The following MX1 variants were observed in gnomAD, a reference collection of about 807,000 sequenced individuals.
MX1 encodes interferon-induced GTP-binding protein Mx1.
A neutral mutation model predicts 66.4 loss-of-function variants in MX1; 66 were observed. The ratio of observed to expected loss-of-function variants is 0.99; its 90% confidence interval spans 0.82 to 1.22. The LOEUF is 1.22. Ranked by LOEUF, MX1 falls within the 50% of genes most tolerant of loss-of-function variation. The probability of loss-of-function intolerance (pLI) is 0.00; values close to 1 mark genes in which losing one functional copy is unlikely to be tolerated. For missense variants in MX1, 787 were observed against 834.3 expected (o/e 0.94, Z 0.70); for synonymous variants, 311 against 318.1 (o/e 0.98, Z 0.24).
chr21:41,426,225 C>G (rs2090055439), upstream of MX1: 1 of 154,528 alleles, frequency 6.5e-6, no homozygotes, highest in South Asian at 2.1e-4. Context: ...AGAGGCGAAG[C>G]GAGAGCGGAG....
chr21:41,452,542 A>G lies in MX1; in HGVS notation c.1510-79A>G, dbSNP rs192066412. 1.8e-5 allele frequency: 26 copies of G among 1,478,044 alleles called. No individual in the cohort carries two copies. In the African/African-American group the frequency reaches 3.1e-4, roughly 18 times the overall value. 91.6% of individuals were successfully genotyped at this position (1,478,044 alleles called of 1,614,324 possible). A position where few individuals can be genotyped will look rare whatever the true frequency, so the allele number is the denominator to read the frequency against. ...ACTCACGTTGGGTAACCTGGTATTT[A>G]CGGACTTCTTACCTACTTTCCTGTG... On this transcript the variant is annotated intron_variant, in intron 15 of 16. Transcript: ENST00000398598.
chr21:41,430,291 T>A (rs897684690), intron 3 of MX1, among the ~76,000 whole-genome samples: 1 of 152,080 alleles, frequency 6.6e-6, no homozygotes, highest in Admixed American at 6.5e-5. Flanking sequence ...AAGGAGAGCA[T>A]CCTTACATAT....
chr21:41,435,326 T>C (rs555125584), intron 5 of MX1, among the ~76,000 whole-genome samples: 3 of 152,364 alleles, frequency 2.0e-5, no homozygotes, highest in African/African-American at 7.2e-5. Flanking sequence ...GAATTGTATG[T>C]ATTATTTCTT....
intron 5 of MX1, among the ~76,000 whole-genome samples, chr21:41,434,064 G>A (rs921111377): frequency 6.6e-6 from 1 of 152,174 alleles, no homozygotes; most frequent in Non-Finnish European, 1.5e-5. Context: ...GGTAGCCCCT[G>A]CAACAAACAA....
At chr21:41,437,227 C>A in intron 7 of MX1, 75 bp downstream of exon 7, 2 of 1,546,086 alleles carry the variant, frequency 1.3e-6, no homozygotes, top group Non-Finnish European at 8.9e-7. Flanking sequence ...GTTCATACTC[C>A]CACCTCCCTG....
chr21:41,454,249 T>C (rs1237270959), intron 16 of MX1, among the ~76,000 whole-genome samples: 2 of 152,238 alleles, frequency 1.3e-5, no homozygotes, highest in Non-Finnish European at 2.9e-5. Flanking sequence ...CAGAGTCGGG[T>C]TGGAAAGTAA....
rs1394317091 is a variant in MX1, at chr21:41,441,590, G to A, written c.731-126G>A. On this transcript the variant is annotated intron_variant, in intron 9 of 16. Transcript: ENST00000398598. The surrounding 1 kb of genome is among the most constrained non-coding windows in gnomAD (Gnocchi z 4.0). ...CTCCACTGCCCCCATGGTTCTGCAG[G>A]GGCTATGGCCTGTCCTCAAGCAAGG... is the stretch of plus-strand genomic sequence containing the variant. 1.1e-6 allele frequency: 1 copy of A among 949,414 alleles called. No homozygotes were observed. Among genetic ancestry groups the A allele is most frequent in the Non-Finnish European group, 1.7e-6 (1 of 596,054 alleles). 58.8% of individuals were successfully genotyped at this position (949,414 alleles called of 1,614,324 possible).
intron 4 of MX1, among the ~76,000 whole-genome samples, chr21:41,431,306 G>A (rs181017325): frequency 1.6e-4 from 25 of 152,296 alleles, no homozygotes; most frequent in East Asian, 1.2e-3. Flanking sequence ...GGATACAGGC[G>A]TGAGCTACTG....
chr21:41,439,744 AC>A lies in MX1; in HGVS notation c.490del (p.Leu164TrpfsTer11). The A allele has an allele frequency of 6.2e-7, 1 of 1,613,822 alleles. No individual in the cohort carries two copies. Among genetic ancestry groups the A allele is most frequent in the Non-Finnish European group, 8.5e-7 (1 of 1,179,818 alleles). ...AATGGGAATCAGTCATGAGCTAATC[AC>A]CCTGGAGATCAGCTCCCGAGATGTC... The part of the protein sequence containing the change: ...EGMGISHELI[T>X]LEISSRDVPD... On this transcript the variant is annotated frameshift_variant, in exon 8 of 17. Coordinates refer to ENST00000398598, the MANE Select transcript of MX1 (RefSeq NM_002462.5). LOFTEE classifies it high-confidence loss of function.
intron 16 of MX1, among the ~76,000 whole-genome samples, chr21:41,457,391 T>C (rs1176602350): frequency 6.6e-6 from 1 of 152,236 alleles, no homozygotes; most frequent in Non-Finnish European, 1.5e-5. Flanking sequence ...TTTGTCTCCC[T>C]GAGATGATAA....
chr21:41,446,029 TG>T lies in MX1; in HGVS notation c.1162del (p.Ala388LeufsTer9), dbSNP rs759243012. 8.2e-5 allele frequency: 133 copies of T among 1,614,032 alleles called. No individual in the cohort carries two copies. The highest frequency in any genetic ancestry group is 1.8e-4 in the Admixed American group (11 of 59,998). On this transcript the variant is annotated frameshift_variant, in exon 13 of 17. Coordinates refer to ENST00000398598, the MANE Select transcript of MX1 (RefSeq NM_002462.5). LOFTEE classifies it high-confidence loss of function. Reference sequence around the variant, plus strand: ...TTAATGCCTTTAATCAGGACATCACTGCTCTCATGCAAGGAGAGGAAACTGT... The same window carrying T: ...TTAATGCCTTTAATCAGGACATCACTCTCTCATGCAAGGAGAGGAAACTGT... The part of the protein sequence containing the change: ...KVNAFNQDIT[A>X]LMQGEETVGE...
In MX1 at chr21:41,441,121, G is replaced by T. The variant is rs1169943011; in HGVS notation, c.730+96G>T. 3 of 1,159,822 alleles carry T rather than the reference G, an allele frequency of 2.6e-6. No individual in the cohort carries two copies. The highest frequency in any genetic ancestry group is 3.6e-6 in the Non-Finnish European group (3 of 825,862). 71.8% of individuals were successfully genotyped at this position (1,159,822 alleles called of 1,614,324 possible). ...GAGCCCACCTGTGCTCGGTGAGAAT[G>T]GGGGAGCCCGCCTGTGCTCGGTGAG... On this transcript the variant is annotated intron_variant, in intron 9 of 16. Coordinates refer to ENST00000398598, the MANE Select transcript of MX1 (RefSeq NM_002462.5). The surrounding 1 kb of genome is among the most constrained non-coding windows in gnomAD (Gnocchi z 4.0).
intron 6 of MX1, 110 bp from the exon 7 acceptor site, chr21:41,436,905 T>C (rs1601489571): frequency 7.3e-7 from 1 of 1,376,604 alleles, no homozygotes; most frequent in East Asian, 2.3e-5. Context: ...GTTTCCAGTT[T>C]TAAATGTCTC....
At position 41,441,530 on chromosome 21, in the gene MX1, C is replaced by T. The variant is rs947745651; in HGVS notation, c.731-186C>T. 55 of 624,952 alleles carry T rather than the reference C, an allele frequency of 8.8e-5. No homozygotes were observed. The South Asian group carries it at 8.9e-4, about 10-fold the overall frequency. The allele number at this position is 624,952 out of a possible 1,614,324, so 38.7% of individuals were successfully genotyped here. ...GTTCTGGGAGGCATCCCTGCCTTCA[C>T]GCGGCTTGTCGTGGAGTTCTTTTCT... On this transcript the variant is annotated intron_variant, in intron 9 of 16. Coordinates refer to ENST00000398598, the MANE Select transcript of MX1 (RefSeq NM_002462.5). This position sits in a 1 kb window ranked among gnomAD's most constrained non-coding sequence, Gnocchi z 4.0.
chr21:41,446,761 C>T (rs1489829592), intron 13 of MX1, among the ~76,000 whole-genome samples: 1 of 152,178 alleles, frequency 6.6e-6, no homozygotes, highest in Non-Finnish European at 1.5e-5. Flanking sequence ...CCCAATCCTT[C>T]CTAAAGGTCT....
chr21:41,435,852 C>G lies in MX1; in HGVS notation c.121C>G (p.Leu41Val). 6.2e-7 allele frequency: 1 copy of G among 1,608,744 alleles called. No homozygotes were observed. Among genetic ancestry groups the G allele is most frequent in the South Asian group, 1.1e-5 (1 of 90,960 alleles). ...KNPGSVAENN[L>V]CSQYEEKVRP... ...TTTCCTCCAGGTGGCTGAGAACAAC[C>G]TGTGCAGCCAGTATGAGGAGAAGGT... The change falls in exon 6 of 17, where the codon CTG becomes GTG. Residue 41 changes from leucine to valine, a missense_variant. Physicochemically the swap from Leu to Val is conservative, Grantham distance 32 (BLOSUM62 1). Coordinates refer to ENST00000398598, the MANE Select transcript of MX1 (RefSeq NM_002462.5).
rs924459874 is a variant in MX1, at chr21:41,451,162, A to G, written c.1433-5A>G. ...ATATTGAACTATTTTTCTCTCTTTGATTAGATATGGTCCGGCTTGCTTTCA... is the reference window on the plus strand; with the variant it reads ...ATATTGAACTATTTTTCTCTCTTTGGTTAGATATGGTCCGGCTTGCTTTCA... On this transcript the variant is annotated splice_polypyrimidine_tract_variant and splice_region_variant and intron_variant, in intron 14 of 16. Coordinates refer to ENST00000398598, the MANE Select transcript of MX1 (RefSeq NM_002462.5). 1.3e-6 allele frequency: 2 copies of G among 1,599,944 alleles called. No homozygotes were observed. The highest frequency in any genetic ancestry group is 1.7e-6 in the Non-Finnish European group (2 of 1,168,696).
chr21:41,431,876 G>C (rs918344770), intron 4 of MX1, 174 bp from the exon 5 acceptor site: 11 of 561,562 alleles, frequency 2.0e-5, no homozygotes, highest in Non-Finnish European at 3.2e-5. Flanking sequence ...TGAATAAAAA[G>C]CCAGTGAGCA....
chr21:41,447,294 G>A (rs1251394615), intron 13 of MX1, among the ~76,000 whole-genome samples: 1 of 152,132 alleles, frequency 6.6e-6, no homozygotes, highest in Non-Finnish European at 1.5e-5. Context: ...CCACCCTAGT[G>A]ACCTGATTTC....
Sources: allele counts gnomAD v4.1 joint callset (sites outside exome capture counted in the v4.1 genomes callset), GRCh38; gene constraint gnomAD v4.1.1; non-coding constraint Gnocchi (gnomAD v3.1); transcripts MANE v1.5; gene names NCBI Gene and HGNC (gene_info 2026-07-23, HGNC 2026-07-21).